Variants in IFT43 observed in about 807,000 individuals in gnomAD.
IFT43 encodes intraflagellar transport 43.
In IFT43, 33 loss-of-function variants were observed where a neutral mutation model predicts 32.3. The ratio of observed to expected loss-of-function variants is 1.02; its 90% confidence interval spans 0.77 to 1.37. The LOEUF is 1.37. Ranked by LOEUF, IFT43 falls within the 40% of genes most tolerant of loss-of-function variation. IFT43 has a pLI of 0.00. For missense variants in IFT43, 274 were observed against 265.9 expected, an observed-to-expected ratio of 1.03 and a Z score of -0.21; for synonymous variants, 93 against 98.2, an observed-to-expected ratio of 0.95 and a Z score of 0.31.
chr14:75,992,866 G>A (rs569096378), intron 2 of IFT43, among the ~76,000 whole-genome samples: 4 of 152,240 alleles, frequency 2.6e-5, no homozygotes, highest in Non-Finnish European at 5.9e-5. Flanking sequence ...TTGCTTTCTA[G>A]TTGCAGCAGG....
At chr14:76,026,419 A>G (rs531325514) in intron 3 of IFT43, among the ~76,000 whole-genome samples, 1 of 152,182 alleles carries the variant, frequency 6.6e-6, no homozygotes, top group Non-Finnish European at 1.5e-5. Context: ...TTAGTGGGGC[A>G]TGGTGGCACG....
rs974662343 is a variant in IFT43 at position 75,999,471 on chromosome 14, A to G, written c.147+10494A>G. Among the ~76,000 whole-genome samples, 3 of 151,292 alleles carry G rather than the reference A, an allele frequency of 2.0e-5. No individual in the cohort carries two copies. In the East Asian group the frequency reaches 5.8e-4, roughly 29 times the overall value. ...TATACATATTTATAAGTAGAATTTTATTCATTCATTTACTTATTTATCCTA... is the reference window on the plus strand; with the variant it reads ...TATACATATTTATAAGTAGAATTTTGTTCATTCATTTACTTATTTATCCTA... On this transcript the variant is annotated intron_variant, in intron 2 of 8. Transcript: ENST00000314067.
At chr14:76,002,750 A>C (rs190607553) in intron 2 of IFT43, among the ~76,000 whole-genome samples, 2,056 of 152,362 alleles carry the variant, frequency 0.013, 50 homozygotes, top group African/African-American at 0.043. Context: ...TGTTTTCATA[A>C]TAATTTGGAA....
intron 2 of IFT43, among the ~76,000 whole-genome samples, chr14:75,989,665 A>G (rs770314848): frequency 2.6e-5 from 4 of 152,040 alleles, no homozygotes; most frequent in Admixed American, 6.6e-5. Context: ...TTCACTTCCC[A>G]TAGTACCTAT....
intron 1 of IFT43, chr14:75,986,105 G>A (rs2035519746): frequency 1.4e-6 from 2 of 1,446,100 alleles, no homozygotes; most frequent in Non-Finnish European, 1.8e-6. Context: ...GGAAATTTCC[G>A]AGCCTTTCTC....
intron 3 of IFT43, among the ~76,000 whole-genome samples, chr14:76,054,031 A>G (rs1490866383): frequency 2.6e-5 from 4 of 152,190 alleles, no homozygotes; most frequent in Non-Finnish European, 5.9e-5. Context: ...AAAGTCGGCA[A>G]CTCAGGAGGA....
chr14:76,009,971 T>G (rs2036051570), intron 2 of IFT43, among the ~76,000 whole-genome samples: 1 of 152,114 alleles, frequency 6.6e-6, no homozygotes, highest in Non-Finnish European at 1.5e-5. Context: ...ATTTTTGTAT[T>G]TTTAGTAGAG....
chr14:76,002,116 G>A (rs912096327), intron 2 of IFT43, among the ~76,000 whole-genome samples: 9 of 152,188 alleles, frequency 5.9e-5, no homozygotes, highest in Non-Finnish European at 1.2e-4. Context: ...GCGTGGTGGC[G>A]CAGGCCTGTA....
At chr14:76,028,932 G>C (rs755561668) in intron 3 of IFT43, among the ~76,000 whole-genome samples, 5 of 152,174 alleles carry the variant, frequency 3.3e-5, no homozygotes, top group Non-Finnish European at 5.9e-5. Flanking sequence ...ACGTTTGCAA[G>C]TGTCTTTTTG....
rs558942872 is a variant in IFT43, at chr14:76,075,785, A to G, written c.296-6510A>G. 3.0e-4 allele frequency among the ~76,000 whole-genome samples: 45 copies of G among 152,348 alleles called. 1 individual carries two copies. The highest frequency in any genetic ancestry group is 9.1e-4 in the African/African-American group (38 of 41,578). Reference sequence around the variant, plus strand: ...TTTCTTTCACTTAACTTCATCTTCAATCAGACCTTCTTCCATTTGCCTGTT... The same window carrying G: ...TTTCTTTCACTTAACTTCATCTTCAGTCAGACCTTCTTCCATTTGCCTGTT... On this transcript the variant is annotated intron_variant, in intron 5 of 8. Coordinates refer to ENST00000314067, the MANE Select transcript of IFT43 (RefSeq NM_001102564.3).
rs533233568 is a variant in IFT43 at position 76,003,346 on chromosome 14, G to A, written c.147+14369G>A. On this transcript the variant is annotated intron_variant, in intron 2 of 8. Transcript: ENST00000314067. Reference sequence around the variant, plus strand: ...TAGAGTTAATATTATACCATGGCCGGGTTTGGTGGCTCACTCCTGTAATCC... The same window carrying A: ...TAGAGTTAATATTATACCATGGCCGAGTTTGGTGGCTCACTCCTGTAATCC... Among the ~76,000 whole-genome samples the A allele has an allele frequency of 1.3e-3, 192 of 152,204 alleles. 4 individuals are homozygous for A. The South Asian group carries it at 0.018, about 14-fold the overall frequency.
intron 5 of IFT43, among the ~76,000 whole-genome samples, chr14:76,076,041 C>T (rs72727805): frequency 1.9e-3 from 288 of 152,306 alleles, no homozygotes; most frequent in Non-Finnish European, 3.5e-3. Context: ...GTCCAGATCG[C>T]TTTCATGTGG....
chr14:76,063,501 C>T (rs921444235), intron 5 of IFT43, among the ~76,000 whole-genome samples: 2 of 152,244 alleles, frequency 1.3e-5, no homozygotes, highest in African/African-American at 2.4e-5. Context: ...TGTGGGGCTC[C>T]CCCAAGCTGT....
intron 1 of IFT43, among the ~76,000 whole-genome samples, chr14:75,987,350 A>G (rs186248495): frequency 1.2e-4 from 19 of 152,342 alleles, no homozygotes; most frequent in Admixed American, 3.3e-4. Context: ...AAATGACACT[A>G]CAATTTGAAG....
intron 5 of IFT43, among the ~76,000 whole-genome samples, chr14:76,078,788 G>A (rs1186593369): frequency 1.3e-5 from 2 of 152,198 alleles, no homozygotes; most frequent in Non-Finnish European, 2.9e-5. Context: ...GGGTGTCACA[G>A]CCCTCTTACC....
At chr14:76,001,870 T>C (rs549541348) in intron 2 of IFT43, among the ~76,000 whole-genome samples, 2 of 152,314 alleles carry the variant, frequency 1.3e-5, no homozygotes, top group Admixed American at 1.3e-4. Context: ...GAACTTATCC[T>C]TCTATAAGGG....
chr14:76,028,871 C>A (rs1259564545), intron 3 of IFT43, among the ~76,000 whole-genome samples: 1 of 152,106 alleles, frequency 6.6e-6, no homozygotes, highest in Non-Finnish European at 1.5e-5. Context: ...TTGATGGACA[C>A]CTAGTTTGAT....
intron 5 of IFT43, among the ~76,000 whole-genome samples, chr14:76,081,765 A>T (rs879642024): frequency 2.6e-5 from 4 of 152,204 alleles, no homozygotes; most frequent in Non-Finnish European, 5.9e-5. Context: ...TAGATGGAAG[A>T]TGCCCTTGAG....
chr14:76,011,102 G>T (rs116473233), intron 2 of IFT43, among the ~76,000 whole-genome samples: 2,076 of 151,602 alleles, frequency 0.014, 54 homozygotes, highest in African/African-American at 0.043. Context: ...TAGAGATGGG[G>T]TCTCACTTTG....
Sources: gnomAD v4.1 joint callset for allele counts (sites outside exome capture counted in the v4.1 genomes callset) on GRCh38, gnomAD v4.1.1 for gene constraint, MANE v1.5 for transcripts, NCBI Gene and HGNC (gene_info 2026-07-23, HGNC 2026-07-21) for gene names.